The following OPCML variants were observed in gnomAD, a reference collection of about 807,000 sequenced individuals.
OPCML encodes opioid-binding protein/cell adhesion molecule.
In OPCML, 13 loss-of-function variants were observed where a neutral mutation model predicts 37.8. That is an observed-to-expected ratio of 0.34 (90% CI 0.22 to 0.55). The LOEUF is 0.55. OPCML is among the 20% of genes least tolerant of loss of function. OPCML has a pLI of 0.91. For missense variants in OPCML, 341 were observed against 435.6 expected (o/e 0.78, Z 1.93); for synonymous variants, 176 against 168.8 (o/e 1.04, Z -0.33).
chr11:132,796,565 CTTTTTTTTTTTTTT>C lies in OPCML; in HGVS notation c.147-139260_147-139247del, dbSNP rs71067396. On this transcript the variant is annotated intron_variant, in intron 2 of 7. Transcript: ENST00000524381. ...TTATTATTATCCACTTTTCTTCTTT[CTTTTTTTTTTTTTT>C]TTTTTTTTTTTTGATACGGAGCCTC... Among the ~76,000 whole-genome samples, 171 of 88,588 alleles carry C rather than the reference CTTTTTTTTTTTTTT, an allele frequency of 1.9e-3. 1 individual carries two copies. The highest frequency in any genetic ancestry group is 3.2e-3 in the Non-Finnish European group (153 of 47,700). 58.1% of individuals were successfully genotyped at this position (88,588 alleles called of 152,430 possible). A position where few individuals can be genotyped will look rare whatever the true frequency, so the allele number is the denominator to read the frequency against.
At chr11:132,533,078 C>A (rs2096330502) in intron 3 of OPCML, among the ~76,000 whole-genome samples, 1 of 152,054 alleles carries the variant, frequency 6.6e-6, no homozygotes, top group African/African-American at 2.4e-5. Flanking sequence ...TGAATAATAA[C>A]CTTATCTGAA....
chr11:133,346,832 ATG>A (rs144232137), intron 1 of OPCML, among the ~76,000 whole-genome samples: 3 of 152,118 alleles, frequency 2.0e-5, no homozygotes, highest in Non-Finnish European at 2.9e-5. Context: ...TTTTCTGTGC[ATG>A]TGTGTGTGTG....
chr11:133,276,020 T>C (rs540591077), intron 1 of OPCML, among the ~76,000 whole-genome samples: 1 of 152,204 alleles, frequency 6.6e-6, no homozygotes, highest in South Asian at 2.1e-4. Context: ...GGTTAGAAAA[T>C]GAATCGTGGC....
At chr11:132,890,466 C>G (rs1943595754) in intron 2 of OPCML, among the ~76,000 whole-genome samples, 1 of 152,034 alleles carries the variant, frequency 6.6e-6, no homozygotes, top group Admixed American at 6.6e-5. Flanking sequence ...AGAGTATGCT[C>G]TTTATTTAGA....
At chr11:132,669,268 A>G (rs1942355282) in intron 2 of OPCML, among the ~76,000 whole-genome samples, 1 of 151,880 alleles carries the variant, frequency 6.6e-6, no homozygotes, top group South Asian at 2.1e-4. Context: ...GATGCCAACC[A>G]TGTGTCAGCG....
chr11:132,623,787 T>C (rs901355558), intron 3 of OPCML, among the ~76,000 whole-genome samples: 3 of 152,172 alleles, frequency 2.0e-5, no homozygotes, highest in African/African-American at 7.2e-5. Context: ...AAAAATACAT[T>C]GCTTTTCTAT....
intron 1 of OPCML, among the ~76,000 whole-genome samples, chr11:133,123,864 C>G (rs1949457212): frequency 6.6e-6 from 1 of 152,086 alleles, no homozygotes; most frequent in African/African-American, 2.4e-5. Context: ...TCCATGTCAT[C>G]TGAGGTTTCA....
intron 1 of OPCML, among the ~76,000 whole-genome samples, chr11:133,011,049 T>C (rs777041228): frequency 6.6e-6 from 1 of 152,240 alleles, no homozygotes; most frequent in South Asian, 2.1e-4. Context: ...GCAAGTTGTA[T>C]TCACAGCAGT....
chr11:132,423,477 G>A (rs1471462487), intron 7 of OPCML, among the ~76,000 whole-genome samples: 1 of 152,178 alleles, frequency 6.6e-6, no homozygotes, highest in African/African-American at 2.4e-5. Context: ...CTCTGCCGGA[G>A]GGCTCTCCAG....
intron 1 of OPCML, among the ~76,000 whole-genome samples, chr11:133,350,794 G>A (rs533219665): frequency 9.9e-5 from 15 of 152,198 alleles, no homozygotes; most frequent in Non-Finnish European, 1.2e-4. Flanking sequence ...ATACACACTT[G>A]ATGACAGGCA....
chr11:133,317,586 G>A (rs961208909), intron 1 of OPCML, among the ~76,000 whole-genome samples: 1 of 152,170 alleles, frequency 6.6e-6, no homozygotes, highest in African/African-American at 2.4e-5. Flanking sequence ...CGTAGTAGTC[G>A]CAACGGAGTT....
intron 1 of OPCML, among the ~76,000 whole-genome samples, chr11:133,155,724 C>T (rs1345985290): frequency 6.6e-6 from 1 of 152,178 alleles, no homozygotes; most frequent in Non-Finnish European, 1.5e-5. Flanking sequence ...CTTGACATCT[C>T]CGCAGATTTA....
chr11:132,424,302 G>T (rs1012489050), intron 7 of OPCML, among the ~76,000 whole-genome samples: 2 of 152,046 alleles, frequency 1.3e-5, no homozygotes, highest in Non-Finnish European at 2.9e-5. Context: ...TGTATTTTTA[G>T]TAGAGACGGG....
intron 1 of OPCML, among the ~76,000 whole-genome samples, chr11:133,448,302 C>T (rs1028553625): frequency 1.3e-5 from 2 of 152,146 alleles, no homozygotes; most frequent in African/African-American, 4.8e-5. Flanking sequence ...ATCCTTTACC[C>T]ATTAAATTGC....
chr11:132,610,121 T>C (rs1381807981), intron 3 of OPCML, among the ~76,000 whole-genome samples: 1 of 152,204 alleles, frequency 6.6e-6, no homozygotes, highest in Non-Finnish European at 1.5e-5. Flanking sequence ...AATCAATTAC[T>C]CTATATCCCA....
intron 3 of OPCML, among the ~76,000 whole-genome samples, chr11:132,571,446 T>C (rs1031310327): frequency 3.9e-5 from 6 of 152,186 alleles, no homozygotes; most frequent in Non-Finnish European, 4.4e-5. Context: ...ATACCTTAGC[T>C]TCCAGTAACC....
intron 1 of OPCML, among the ~76,000 whole-genome samples, chr11:133,196,257 G>A (rs1488542909): frequency 2.6e-5 from 4 of 152,188 alleles, no homozygotes; most frequent in Non-Finnish European, 5.9e-5. Flanking sequence ...GCCTTGCTAG[G>A]TGTTATTAGT....
At chr11:132,482,184 A>C (rs1374819629) in intron 4 of OPCML, among the ~76,000 whole-genome samples, 4 of 151,012 alleles carry the variant, frequency 2.6e-5, no homozygotes, top group South Asian at 4.2e-4. Context: ...AAGACTAATA[A>C]AGAAAAAAAG....
intron 1 of OPCML, among the ~76,000 whole-genome samples, chr11:133,381,994 A>C (rs1043804795): frequency 6.6e-6 from 1 of 152,182 alleles, no homozygotes; most frequent in Non-Finnish European, 1.5e-5. Context: ...GGGAGGCCGG[A>C]GCATCTCAGC....
Sources: allele counts gnomAD v4.1 joint callset (sites outside exome capture counted in the v4.1 genomes callset), GRCh38; gene constraint gnomAD v4.1.1; transcripts MANE v1.5; gene names NCBI Gene and HGNC (gene_info 2026-07-23, HGNC 2026-07-21).